Variants in FOXRED2 observed in about 807,000 individuals in gnomAD.
The protein encoded by FOXRED2 is FAD-dependent oxidoreductase domain-containing protein 2.
A neutral mutation model predicts 52.5 loss-of-function variants in FOXRED2; 32 were observed. The observed-to-expected ratio is 0.61, with a 90% CI of 0.46 to 0.82. The LOEUF is 0.82. FOXRED2 is among the 40% of genes least tolerant of loss of function. The probability of loss-of-function intolerance (pLI) is 0.00; values close to 1 mark genes in which losing one functional copy is unlikely to be tolerated. For missense variants in FOXRED2, 848 were observed against 937.5 expected, an observed-to-expected ratio of 0.90 and a Z score of 1.25; for synonymous variants, 405 against 398.1, an observed-to-expected ratio of 1.02 and a Z score of -0.21.
At position 36,490,086 on chromosome 22, in the gene FOXRED2, G is replaced by A. The variant is rs763199092; in HGVS notation, c.1977C>T (p.Gly659=). The change falls in exon 9 of 9, where the codon GGC becomes GGT. Residue 659 remains glycine (G), a synonymous_variant. Coordinates refer to ENST00000397224, the MANE Select transcript of FOXRED2 (RefSeq NM_001102371.2). ...RRLEDSSQQL[G]DQEPLGSPLA... ...GGGGGGAACCTAGTGGCTCTTGGTC[G>A]CCAAGCTGCTGGCTGCTGTCCTCCA... 2.9e-5 allele frequency: 47 copies of A among 1,613,434 alleles called. No homozygotes were observed. The highest frequency in any genetic ancestry group is 2.7e-4 in the South Asian group (25 of 91,056).
chr22:36,497,908 A>C, intron 6 of FOXRED2, 83 bp downstream of exon 6: 1 of 1,461,872 alleles, frequency 6.8e-7, no homozygotes, highest in Non-Finnish European at 9.4e-7. Flanking sequence ...TGGGCACCTC[A>C]CACCTGGAAT....
In FOXRED2 at chr22:36,493,511, G is replaced by A. The variant is rs191619422; in HGVS notation, c.1795+122C>T. On this transcript the variant is annotated intron_variant, in intron 8 of 8. Transcript: ENST00000397224. ...GTAATTTAACCCACGGCATTGTCGG[G>A]AACAGTAGTCTGGGGTTTGGATTTC... 79 of 731,342 alleles carry A rather than the reference G, an allele frequency of 1.1e-4. No individual in the cohort carries two copies. The Middle Eastern group carries it at 6.9e-3, about 64-fold the overall frequency. The allele number at this position is 731,342 out of a possible 1,614,324, so 45.3% of individuals were successfully genotyped here. A position where few individuals can be genotyped will look rare whatever the true frequency, so the allele number is the denominator to read the frequency against.
Position 36,506,044 on chromosome 22 carries a change from G to C in FOXRED2, c.379C>G (p.Arg127Gly), listed in dbSNP as rs748967091. 34 of 1,614,268 alleles carry C rather than the reference G, an allele frequency of 2.1e-5. No individual in the cohort carries two copies. In the South Asian group the frequency reaches 3.7e-4, roughly 18 times the overall value. Residue 127 changes from arginine (R) to glycine (G), a missense_variant, in exon 2 of 9, where the codon CGC becomes GGC. Transcript: ENST00000397224. Reference sequence around the variant, plus strand: ...GTGTCCGCGAAGTCACCCAGGTAGCGCACCATGTCGCGGGCGTCGGGGAAG... The same window carrying C: ...GTGTCCGCGAAGTCACCCAGGTAGCCCACCATGTCGCGGGCGTCGGGGAAG... ...AYFPDARDMV[R>G]YLGDFADTLG... is the part of the protein sequence containing the mutation.
At chr22:36,497,129 G>A (rs1431955801) in intron 6 of FOXRED2, among the ~76,000 whole-genome samples, 1 of 152,062 alleles carries the variant, frequency 6.6e-6, no homozygotes, top group East Asian at 1.9e-4. Flanking sequence ...AGTGAGCCAA[G>A]ATCGCACCAC....
chr22:36,503,499 T>TG (rs2145856208), intron 4 of FOXRED2, among the ~76,000 whole-genome samples: 1 of 151,766 alleles, frequency 6.6e-6, no homozygotes, highest in South Asian at 2.1e-4. Context: ...TTAGTAGAGA[T>TG]GGGGTTTCAC....
intron 4 of FOXRED2, among the ~76,000 whole-genome samples, chr22:36,503,683 G>A (rs1934112306): frequency 9.2e-5 from 14 of 152,194 alleles, no homozygotes; most frequent in Admixed American, 9.2e-4. Flanking sequence ...TTTTAGACAT[G>A]AGAATACTGG....
Position 36,487,222 on chromosome 22 carries a change from A to G in FOXRED2, c.*2786T>C, listed in dbSNP as rs1040109116. Reference sequence around the variant, plus strand: ...AGCAAGGCAATTTTACTTCTATACAAGAGTGCGTCTCATGGATGGTGCAAT... The same window carrying G: ...AGCAAGGCAATTTTACTTCTATACAGGAGTGCGTCTCATGGATGGTGCAAT... On this transcript the variant is annotated 3_prime_UTR_variant, in exon 9 of 9. Coordinates refer to ENST00000397224, the MANE Select transcript of FOXRED2 (RefSeq NM_001102371.2). 1 of 152,264 alleles carries G rather than the reference A, an allele frequency of 6.6e-6. No homozygotes were observed. The highest frequency in any genetic ancestry group is 1.5e-5 in the Non-Finnish European group (1 of 68,050). 9.4% of individuals were successfully genotyped at this position (152,264 alleles called of 1,614,324 possible).
At position 36,489,992 on chromosome 22, in the gene FOXRED2, G is replaced by A. The variant is rs1318877615; in HGVS notation, c.*16C>T. On this transcript the variant is annotated 3_prime_UTR_variant, in exon 9 of 9. Transcript: ENST00000397224. ...GGGAGGCCTGGCCACTGTGCCCACA[G>A]CTTAGGAAGGGACAGTCAGAGCTCC... 1.9e-6 allele frequency: 3 copies of A among 1,551,150 alleles called. No individual in the cohort carries two copies. The East Asian group carries it at 6.8e-5, about 35-fold the overall frequency.
rs1379581869 is a variant in FOXRED2, at chr22:36,504,560, G to T, written c.734C>A (p.Ser245Tyr). Residue 245 changes from serine (S) to tyrosine (Y), a missense_variant, in exon 3 of 9, where the codon TCC becomes TAC. Coordinates refer to ENST00000397224, the MANE Select transcript of FOXRED2 (RefSeq NM_001102371.2). Reference sequence around the variant, plus strand: ...GGTGGCCCAGGACAGACGGACCCGGGAGCGGCTGAGCATATGGATAAAGTT... The same window carrying T: ...GGTGGCCCAGGACAGACGGACCCGGTAGCGGCTGAGCATATGGATAAAGTT... ...VTNFIHMLSRSRVRLSWATHY... is the reference protein window; with the variant it reads ...VTNFIHMLSRYRVRLSWATHY... 6.2e-7 allele frequency: 1 copy of T among 1,614,174 alleles called. No homozygotes were observed. Among genetic ancestry groups the T allele is most frequent in the Admixed American group, 1.7e-5 (1 of 60,010 alleles).
At chr22:36,503,916 A>T (rs546734735) in intron 4 of FOXRED2, among the ~76,000 whole-genome samples, 182 bp downstream of exon 4, 14 of 152,312 alleles carry the variant, frequency 9.2e-5, no homozygotes, top group East Asian at 5.8e-4. Context: ...CCTCAGGGCC[A>T]CCTGGGACCC....
chr22:36,506,342 C>A lies in FOXRED2; in HGVS notation c.81G>T (p.Val27=). ...LAIALHPALS[V]PPRRDYCVLG... is the part of the protein sequence containing the mutation. ...GCACGCAGTAGTCCCGGCGCGGGGG[C>A]ACCGACAGCGCTGGGTGCAGGGCGA... The change falls in exon 2 of 9, where the codon GTG becomes GTT. Residue 27 remains valine, a synonymous_variant. Transcript: ENST00000397224. 2 of 1,487,836 alleles carry A rather than the reference C, an allele frequency of 1.3e-6. No homozygotes were observed. The highest frequency in any genetic ancestry group is 1.8e-6 in the Non-Finnish European group (2 of 1,121,558). 92.2% of individuals were successfully genotyped at this position (1,487,836 alleles called of 1,614,324 possible).
chr22:36,502,222 C>T (rs1038890318), intron 4 of FOXRED2, among the ~76,000 whole-genome samples: 7 of 152,054 alleles, frequency 4.6e-5, no homozygotes, highest in South Asian at 2.1e-4. Flanking sequence ...CAGTGGCTCA[C>T]GCCTGTAATC....
Position 36,489,943 on chromosome 22 carries a change from A to G in FOXRED2, c.*65T>C, listed in dbSNP as rs1011367241. 2 of 1,465,822 alleles carry G rather than the reference A, an allele frequency of 1.4e-6. No homozygotes were observed. Among genetic ancestry groups the G allele is most frequent in the Non-Finnish European group, 1.8e-6 (2 of 1,095,198 alleles). 90.8% of individuals were successfully genotyped at this position (1,465,822 alleles called of 1,614,324 possible). On this transcript the variant is annotated 3_prime_UTR_variant, in exon 9 of 9. Coordinates refer to ENST00000397224, the MANE Select transcript of FOXRED2 (RefSeq NM_001102371.2). ...CGGGAGTGTGAGGTTGCGGGGAAAG[A>G]GGGACTGACCATGGGCCTAGGTGGG...
At position 36,506,158 on chromosome 22, in the gene FOXRED2, C is replaced by T. The variant is rs750496503; in HGVS notation, c.265G>A (p.Ala89Thr). The change falls in exon 2 of 9, where the codon GCT (alanine) becomes ACT (threonine). Residue 89 changes from alanine (A) to threonine (T), a missense_variant. Ala to Thr is a moderately conservative substitution (Grantham distance 58). Transcript: ENST00000397224. ...ISINKRYTGK[A>T]NAEFNLRHDW... ...TGGCGGAGGTTGAACTCGGCGTTAG[C>T]CTTGCCCGTGTACCGCTTGTTGATG... is the stretch of plus-strand genomic sequence containing the variant. 1.2e-6 allele frequency: 2 copies of T among 1,614,158 alleles called. No homozygotes were observed. Among genetic ancestry groups the T allele is most frequent in the African/African-American group, 2.7e-5 (2 of 74,966 alleles).
At chr22:36,506,739 G>A (rs1934211444) in intron 1 of FOXRED2, 1 of 312,662 alleles carries the variant, frequency 3.2e-6, no homozygotes, top group Non-Finnish European at 5.9e-6. Context: ...CTAATTTGAG[G>A]GTGCCCAACA....
At chr22:36,504,815 C>T (rs776350014) in intron 2 of FOXRED2, 49 bp from the exon 3 acceptor site, 25 of 1,594,700 alleles carry the variant, frequency 1.6e-5, no homozygotes, top group African/African-American at 1.5e-4. Context: ...AGCTATAAGA[C>T]CACTAAGTGA....
In FOXRED2 at chr22:36,493,886, C is replaced by T. The variant is rs533395882; in HGVS notation, c.1625-83G>A. 18 of 1,198,574 alleles carry T rather than the reference C, an allele frequency of 1.5e-5. No individual in the cohort carries two copies. In the South Asian group the frequency reaches 2.4e-4, roughly 16 times the overall value. The allele number at this position is 1,198,574 out of a possible 1,614,324, so 74.2% of individuals were successfully genotyped here. On this transcript the variant is annotated intron_variant, in intron 7 of 8. Coordinates refer to ENST00000397224, the MANE Select transcript of FOXRED2 (RefSeq NM_001102371.2). Reference sequence around the variant, plus strand: ...GGGCCGACACAGCACGGATCCCACACAGCCCAAACACTTCCCTCGTTCACT... The same window carrying T: ...GGGCCGACACAGCACGGATCCCACATAGCCCAAACACTTCCCTCGTTCACT...
chr22:36,496,297 G>T, intron 6 of FOXRED2, 89 bp from the exon 7 acceptor site: 1 of 1,500,160 alleles, frequency 6.7e-7, no homozygotes, highest in Non-Finnish European at 9.1e-7. Flanking sequence ...GTGTGCGTGT[G>T]TATCTCCCCC....
At chr22:36,502,204 G>A (rs746351207) in intron 4 of FOXRED2, among the ~76,000 whole-genome samples, 1 of 151,088 alleles carries the variant, frequency 6.6e-6, no homozygotes, top group Non-Finnish European at 1.5e-5. Flanking sequence ...ATGAAGTCAG[G>A]CCAGGCACAG....
Sources: allele counts gnomAD v4.1 joint callset (sites outside exome capture counted in the v4.1 genomes callset), GRCh38; gene constraint gnomAD v4.1.1; transcripts MANE v1.5; gene names NCBI Gene and HGNC (gene_info 2026-07-23, HGNC 2026-07-21).